Variants in PIK3CD observed in about 807,000 individuals in gnomAD.
The protein encoded by PIK3CD is phosphatidylinositol 4,5-bisphosphate 3-kinase catalytic subunit delta isoform.
A neutral mutation model predicts 122.9 loss-of-function variants in PIK3CD; 20 were observed. The observed-to-expected ratio is 0.16, with a 90% confidence interval of 0.11 to 0.24. PIK3CD has a LOEUF of 0.24. Among genes scored for constraint, PIK3CD ranks in the 10% least tolerant of loss-of-function variants. PIK3CD has a pLI of 1.00. For synonymous variants in PIK3CD, 596 were observed against 593.4 expected (o/e 1.00, Z -0.06); for missense variants, 787 against 1,406.3 (o/e 0.56, Z 7.04).
the PIK3CD span, among the ~76,000 whole-genome samples, chr1:9,632,078 T>A: frequency 6.6e-6 from 1 of 151,830 alleles, no homozygotes; most frequent in Non-Finnish European, 1.5e-5. Context: ...AATGGTGCGA[T>A]CTCAGCTCAC....
At chr1:9,708,596 C>G (rs1376284386) in intron 2 of PIK3CD, among the ~76,000 whole-genome samples, 2 of 152,212 alleles carry the variant, frequency 1.3e-5, no homozygotes, top group East Asian at 3.9e-4. Flanking sequence ...TCCTGTCATC[C>G]CAGCACTTTG....
At chr1:9,627,594 T>C in the PIK3CD span, among the ~76,000 whole-genome samples, 1 of 152,232 alleles carries the variant, frequency 6.6e-6, no homozygotes, top group Admixed American at 6.5e-5. Context: ...ACATGTGTAC[T>C]GAGTTCTCAT....
chr1:9,691,155 G>C (rs1646183417), intron 1 of PIK3CD, among the ~76,000 whole-genome samples: 1 of 152,142 alleles, frequency 6.6e-6, no homozygotes, highest in Admixed American at 6.6e-5. Flanking sequence ...CAATTACTTT[G>C]CTTTCAAAAA....
chr1:9,686,915 T>G (rs1645985796), intron 1 of PIK3CD, among the ~76,000 whole-genome samples: 1 of 152,216 alleles, frequency 6.6e-6, no homozygotes, highest in Admixed American at 6.5e-5. Context: ...TGCATCTGTA[T>G]TCACTCTTTT....
upstream of PIK3CD, among the ~76,000 whole-genome samples, chr1:9,650,512 T>C (rs1252058171): frequency 6.6e-6 from 1 of 151,964 alleles, no homozygotes; most frequent in Admixed American, 6.6e-5. Flanking sequence ...TAATCCCAGC[T>C]ACTTGGGAGG....
intron 1 of PIK3CD, among the ~76,000 whole-genome samples, chr1:9,675,541 C>T (rs879456160): frequency 6.6e-6 from 1 of 152,056 alleles, no homozygotes; most frequent in Non-Finnish European, 1.5e-5. Flanking sequence ...AACCCTGCAC[C>T]ATGCTGCCTC....
chr1:9,644,330 C>T, the PIK3CD span, among the ~76,000 whole-genome samples: 1 of 151,964 alleles, frequency 6.6e-6, no homozygotes, highest in Admixed American at 6.6e-5. Flanking sequence ...GCCTGGCCAA[C>T]ATGGTGAAAC....
At chr1:9,666,227 CTTTTTTTTTT>C (rs573382597) in intron 1 of PIK3CD, among the ~76,000 whole-genome samples, 54 of 44,192 alleles carry the variant, frequency 1.2e-3, no homozygotes, top group South Asian at 3.4e-3. Context: ...CGCGCCCGGT[CTTTTTTTTTT>C]TTTTTTTTTT....
At chr1:9,643,466 G>GGGAA in the PIK3CD span, among the ~76,000 whole-genome samples, 13 of 112,342 alleles carry the variant, frequency 1.2e-4, no homozygotes, top group South Asian at 4.2e-4. Context: ...GAGGGAGGGA[G>GGGAA]GGAAGGAAGG....
intron 1 of PIK3CD, among the ~76,000 whole-genome samples, chr1:9,673,427 A>G (rs1645399321): frequency 6.6e-6 from 1 of 151,806 alleles, no homozygotes; most frequent in Non-Finnish European, 1.5e-5. Context: ...ACATCTGGCT[A>G]ATTTTTGTAT....
the PIK3CD span, among the ~76,000 whole-genome samples, chr1:9,642,379 C>T: frequency 1.3e-5 from 2 of 150,802 alleles, no homozygotes; most frequent in South Asian, 2.2e-4. Flanking sequence ...TCCCAAAGTG[C>T]TGGGATTACA....
At chr1:9,725,063 G>C in intron 23 of PIK3CD, 127 bp downstream of exon 23, 1 of 1,210,100 alleles carries the variant, frequency 8.3e-7, no homozygotes. Context: ...GCCTCATGCC[G>C]TCCCAGGACC....
At chr1:9,646,740 G>A (rs1278898196), upstream of PIK3CD, among the ~76,000 whole-genome samples, 1 of 151,956 alleles carries the variant, frequency 6.6e-6, no homozygotes, top group African/African-American at 2.4e-5. Flanking sequence ...ATCACCTGAG[G>A]TCAGGAGTTG....
chr1:9,721,097 GCCC>G, intron 13 of PIK3CD, 27 bp from the exon 14 acceptor site: 1 of 1,584,816 alleles, frequency 6.3e-7, no homozygotes. Context: ...GACCCCGGCC[GCCC>G]CCAAGCCTGA....
intron 1 of PIK3CD, chr1:9,653,130 C>G (rs961619243): frequency 6.6e-6 from 1 of 152,170 alleles, no homozygotes; most frequent in African/African-American, 2.4e-5. Context: ...GGCAATTATT[C>G]CTCTCTCAGG....
chr1:9,725,588 A>G (rs1370306245), intron 23 of PIK3CD, among the ~76,000 whole-genome samples: 2 of 149,584 alleles, frequency 1.3e-5, no homozygotes, highest in African/African-American at 4.9e-5. Context: ...AAAAAAAGAT[A>G]TTTTTCCAGG....
chr1:9,714,567 T>C (rs1250278415), intron 3 of PIK3CD, among the ~76,000 whole-genome samples: 1 of 152,140 alleles, frequency 6.6e-6, no homozygotes, highest in African/African-American at 2.4e-5. Context: ...CTTGGGGTTT[T>C]CCCCTCACTT....
the PIK3CD span, among the ~76,000 whole-genome samples, chr1:9,637,882 T>C: frequency 6.6e-6 from 1 of 151,998 alleles, no homozygotes; most frequent in African/African-American, 2.4e-5. Context: ...GGCAGGCGGA[T>C]CACTTGAGGT....
rs138876273 is a variant in PIK3CD at position 9,723,086 on chromosome 1, G to A, written c.2427-39G>A. On this transcript the variant is annotated intron_variant, in intron 19 of 23. Coordinates refer to ENST00000377346, the MANE Select transcript of PIK3CD (RefSeq NM_005026.5). The surrounding 1 kb of genome is among the most constrained non-coding windows in gnomAD (Gnocchi z 4.9). ...TCAAGTGGCCTCAGGGACAGCCCTT[G>A]ACCATGCCATTTGCCCGTCCCTCTT... 1.1e-5 allele frequency: 18 copies of A among 1,607,848 alleles called. No homozygotes were observed. Among genetic ancestry groups the A allele is most frequent in the Middle Eastern group, 1.7e-4 (1 of 6,048 alleles).
Sources: gnomAD v4.1 joint callset for allele counts (sites outside exome capture counted in the v4.1 genomes callset) on GRCh38, gnomAD v4.1.1 for gene constraint, Gnocchi (gnomAD v3.1) non-coding constraint, MANE v1.5 for transcripts, NCBI Gene and HGNC (gene_info 2026-07-23, HGNC 2026-07-21) for gene names.